INPP5A: variants seen among roughly 807,000 people sequenced by gnomAD.
INPP5A encodes inositol polyphosphate-5-phosphatase A.
A neutral mutation model predicts 65.2 loss-of-function variants in INPP5A; 14 were observed. The observed-to-expected ratio is 0.21, with a 90% confidence interval of 0.14 to 0.34. INPP5A has a LOEUF of 0.34. Ranked by LOEUF, INPP5A falls within the 10% of genes least tolerant of loss-of-function variation. The probability of loss-of-function intolerance (pLI) is 1.00; values close to 1 mark genes in which losing one functional copy is unlikely to be tolerated. For synonymous variants in INPP5A, 207 were observed against 208.3 expected (o/e 0.99, Z 0.05); for missense variants, 431 against 545.6 (o/e 0.79, Z 2.09).
intron 8 of INPP5A, among the ~76,000 whole-genome samples, chr10:132,714,235 CCTGCGGCGCGCTCAG>C (rs1208921858): frequency 6.6e-6 from 1 of 152,200 alleles, no homozygotes; most frequent in South Asian, 2.1e-4. Context: ...ATGAATGGCT[CCTGCGGCGCGCTCAG>C]CCAGCCGCAG....
At chr10:132,728,910 CT>C (rs1408610943) in intron 9 of INPP5A, among the ~76,000 whole-genome samples, 2 of 152,146 alleles carry the variant, frequency 1.3e-5, no homozygotes, top group African/African-American at 4.8e-5. Context: ...AGTGGGAAGC[CT>C]GGGCTCCGGT....
rs1291112672 is a variant in INPP5A, at chr10:132,676,803, G to T, written c.307-13589G>T. 2.0e-5 allele frequency among the ~76,000 whole-genome samples: 3 copies of T among 152,158 alleles called. No homozygotes were observed. Among genetic ancestry groups the T allele is most frequent in the South Asian group, 4.1e-4 (2 of 4,832 alleles). ...TGACTGCTGGCTCTCACCTGCTCCT[G>T]TCTCTCCACAGTAGTAGCCTCAGTC... On this transcript the variant is annotated intron_variant, in intron 4 of 15. Coordinates refer to ENST00000368594, the MANE Select transcript of INPP5A (RefSeq NM_005539.5). This position sits in a 1 kb window ranked among gnomAD's most constrained non-coding sequence, Gnocchi z 4.0.
intron 4 of INPP5A, among the ~76,000 whole-genome samples, chr10:132,687,576 C>T (rs1024724539): frequency 3.9e-5 from 6 of 152,236 alleles, no homozygotes; most frequent in Non-Finnish European, 5.9e-5. Context: ...GCGTCCCCCT[C>T]GGGTATCCTT....
chr10:132,573,619 G>A (rs1328281675), intron 1 of INPP5A, among the ~76,000 whole-genome samples: 2 of 132,298 alleles, frequency 1.5e-5, no homozygotes. Context: ...AGATGTTGGG[G>A]TGTGCGTGCC....
intron 1 of INPP5A, among the ~76,000 whole-genome samples, chr10:132,605,970 T>C (rs1002772856): frequency 2.0e-5 from 3 of 152,150 alleles, no homozygotes; most frequent in Admixed American, 2.0e-4. Flanking sequence ...CCACAGTCAA[T>C]GTTGGGGGAA....
At chr10:132,608,658 T>C (rs905986101) in intron 2 of INPP5A, among the ~76,000 whole-genome samples, 5 of 152,146 alleles carry the variant, frequency 3.3e-5, no homozygotes, top group African/African-American at 1.2e-4. Context: ...AACGTGGCCA[T>C]GGGCATGACG....
chr10:132,681,549 T>C (rs2073045455), intron 4 of INPP5A, among the ~76,000 whole-genome samples: 1 of 152,196 alleles, frequency 6.6e-6, no homozygotes, highest in Non-Finnish European at 1.5e-5. Flanking sequence ...GGCTTCATTC[T>C]TGAAGTCAGT....
At chr10:132,733,595 G>C (rs988807913) in intron 9 of INPP5A, among the ~76,000 whole-genome samples, 3 of 152,216 alleles carry the variant, frequency 2.0e-5, no homozygotes, top group African/African-American at 7.2e-5. Flanking sequence ...TAGAAATTTT[G>C]TGGAAACCAA....
chr10:132,550,552 C>T lies in INPP5A; in HGVS notation c.75+12381C>T, dbSNP rs1309944164. Among the ~76,000 whole-genome samples the T allele has an allele frequency of 3.9e-5, 6 of 152,238 alleles. No homozygotes were observed. The highest frequency in any genetic ancestry group is 4.1e-4 in the South Asian group (2 of 4,838). ...GTGAACCGGCAGCTGTGTCCCTTGACGTGCTGAGAGGGCCTGGCTGTGAGC... is the reference window on the plus strand; with the variant it reads ...GTGAACCGGCAGCTGTGTCCCTTGATGTGCTGAGAGGGCCTGGCTGTGAGC... On this transcript the variant is annotated intron_variant, in intron 1 of 15. Coordinates refer to ENST00000368594, the MANE Select transcript of INPP5A (RefSeq NM_005539.5). This position sits in a 1 kb window ranked among gnomAD's most constrained non-coding sequence, Gnocchi z 4.2.
At chr10:132,548,351 A>G (rs1386010039) in intron 1 of INPP5A, among the ~76,000 whole-genome samples, 1 of 152,140 alleles carries the variant, frequency 6.6e-6, no homozygotes. Flanking sequence ...AGGGGTGTTG[A>G]AGTCACCAAA....
chr10:132,722,939 G>A (rs573227415), intron 8 of INPP5A, among the ~76,000 whole-genome samples: 106 of 152,058 alleles, frequency 7.0e-4, no homozygotes, highest in Admixed American at 7.9e-4. Flanking sequence ...GCACTATATT[G>A]AAATTGAAAG....
Position 132,551,021 on chromosome 10 carries a change from T to C in INPP5A, c.75+12850T>C, listed in dbSNP as rs547696066. On this transcript the variant is annotated intron_variant, in intron 1 of 15. Transcript: ENST00000368594. The surrounding 1 kb of genome is among the most constrained non-coding windows in gnomAD (Gnocchi z 5.3). ...CCACCTGAAAGGGGCTGCACTGTGG[T>C]CCATTTGGGCCAGTGGCTTCAGTAG... Among the ~76,000 whole-genome samples, 1 of 152,290 alleles carries C rather than the reference T, an allele frequency of 6.6e-6. No individual in the cohort carries two copies. The highest frequency in any genetic ancestry group is 2.4e-5 in the African/African-American group (1 of 41,556).
chr10:132,732,071 G>A (rs932997130), intron 9 of INPP5A, among the ~76,000 whole-genome samples: 20 of 152,206 alleles, frequency 1.3e-4, no homozygotes, highest in African/African-American at 4.1e-4. Context: ...CACCCACCAC[G>A]GCTCATTCAC....
chr10:132,740,070 C>T (rs1357146033), intron 9 of INPP5A, among the ~76,000 whole-genome samples: 2 of 152,174 alleles, frequency 1.3e-5, no homozygotes, highest in African/African-American at 4.8e-5. Context: ...GTCCTCCTTT[C>T]CCACTCCACG....
chr10:132,690,283 G>A, intron 4 of INPP5A, 109 bp from the exon 5 acceptor site: 1 of 763,830 alleles, frequency 1.3e-6, no homozygotes, highest in South Asian at 1.6e-5. Context: ...TATAACTGGT[G>A]AAACTCTTGC....
At chr10:132,630,511 G>T (rs1027474702) in intron 2 of INPP5A, among the ~76,000 whole-genome samples, 6 of 151,870 alleles carry the variant, frequency 4.0e-5, no homozygotes, top group Admixed American at 3.3e-4. Flanking sequence ...TGAGGAAAAG[G>T]CATCCATGAG....
rs2070872490 is a variant in INPP5A, at chr10:132,538,692, T to A, written c.75+521T>A. 6.6e-6 allele frequency among the ~76,000 whole-genome samples: 1 copy of A among 151,956 alleles called. No individual in the cohort carries two copies. Among genetic ancestry groups the A allele is most frequent in the Non-Finnish European group, 1.5e-5 (1 of 68,002 alleles). On this transcript the variant is annotated intron_variant, in intron 1 of 15. Coordinates refer to ENST00000368594, the MANE Select transcript of INPP5A (RefSeq NM_005539.5). The surrounding 1 kb of genome is among the most constrained non-coding windows in gnomAD (Gnocchi z 4.1). ...GAACCACAAATCCTGACTGCAGAAC[T>A]CTGGTTACAGAACCTGCTCTCAAAC...
chr10:132,688,368 G>T (rs1215848780), intron 4 of INPP5A, among the ~76,000 whole-genome samples: 1 of 152,316 alleles, frequency 6.6e-6, no homozygotes, highest in East Asian at 1.9e-4. Flanking sequence ...CGGTCGTCAG[G>T]GAGGGAGCAG....
At chr10:132,692,737 A>C (rs1724287648) in intron 5 of INPP5A, among the ~76,000 whole-genome samples, 1 of 152,252 alleles carries the variant, frequency 6.6e-6, no homozygotes, top group South Asian at 2.1e-4. Context: ...ACTTTGTCAG[A>C]TAAGCAAAAA....
Sources: allele counts gnomAD v4.1 joint callset (sites outside exome capture counted in the v4.1 genomes callset), GRCh38; gene constraint gnomAD v4.1.1; non-coding constraint Gnocchi (gnomAD v3.1); transcripts MANE v1.5; gene names NCBI Gene and HGNC (gene_info 2026-07-23, HGNC 2026-07-21).